The following KIAA1217 variants were observed in gnomAD, a reference collection of about 807,000 sequenced individuals.
KIAA1217 encodes KIAA1217.
KIAA1217 carries 88 observed loss-of-function variants against 163.9 expected under a neutral mutation model. The observed-to-expected ratio is 0.54, with a 90% CI of 0.45 to 0.64. The LOEUF (loss-of-function observed/expected upper bound fraction) is 0.64. KIAA1217 is among the 30% of genes least tolerant of loss of function. KIAA1217 has a pLI of 0.00. For synonymous variants in KIAA1217, 903 were observed against 923.1 expected, an observed-to-expected ratio of 0.98 and a Z score of 0.39; for missense variants, 2,372 against 2,475.0, an observed-to-expected ratio of 0.96 and a Z score of 0.88.
intron 2 of KIAA1217, among the ~76,000 whole-genome samples, chr10:24,141,609 C>T (rs555005941): frequency 3.9e-4 from 59 of 152,256 alleles, no homozygotes; most frequent in African/African-American, 1.4e-3. Flanking sequence ...TGCATCAGTC[C>T]TTGAGAACTG....
At position 23,962,257 on chromosome 10, in the gene KIAA1217, G is replaced by A. The variant is rs547635723; in HGVS notation, c.-320-44968G>A. 5.3e-5 allele frequency among the ~76,000 whole-genome samples: 8 copies of A among 152,264 alleles called. No individual in the cohort carries two copies. In the South Asian group the frequency reaches 8.3e-4, roughly 16 times the overall value. On this transcript the variant is annotated intron_variant, in intron 1 of 18. Transcript: ENST00000376462. ...GGCCCTTCTTACCTGTCTGACCAAC[G>A]ACATAACCTCACATAGCCTCAGTTT...
chr10:23,722,611 T>C (rs79584033), intron 1 of KIAA1217, among the ~76,000 whole-genome samples: 1,746 of 152,342 alleles, frequency 0.011, 26 homozygotes, highest in African/African-American at 0.036. Context: ...GTTTTTAAGA[T>C]GTGCCATCCT....
At chr10:24,039,221 C>G (rs1412735852) in intron 2 of KIAA1217, among the ~76,000 whole-genome samples, 1 of 152,080 alleles carries the variant, frequency 6.6e-6, no homozygotes, top group East Asian at 1.9e-4. Context: ...GCCCTAGCCA[C>G]ACTCCACTCC....
chr10:23,812,577 T>C (rs938330762), intron 1 of KIAA1217, among the ~76,000 whole-genome samples: 6 of 152,188 alleles, frequency 3.9e-5, no homozygotes, highest in African/African-American at 1.4e-4. Context: ...CACAATTCAG[T>C]AGTTTTTGGT....
intron 6 of KIAA1217, among the ~76,000 whole-genome samples, chr10:24,493,189 A>G (rs1054908282): frequency 2.0e-5 from 3 of 152,194 alleles, no homozygotes; most frequent in African/African-American, 7.2e-5. Context: ...TAAATTAGCC[A>G]GCATGTATTT....
At chr10:24,467,316 G>A (rs1468629681) in intron 5 of KIAA1217, among the ~76,000 whole-genome samples, 1 of 152,146 alleles carries the variant, frequency 6.6e-6, no homozygotes, top group Non-Finnish European at 1.5e-5. Flanking sequence ...ATTATGATGA[G>A]GCTCTTGAAG....
At chr10:23,769,286 G>A (rs1834691513) in intron 1 of KIAA1217, among the ~76,000 whole-genome samples, 1 of 152,188 alleles carries the variant, frequency 6.6e-6, no homozygotes, top group African/African-American at 2.4e-5. Context: ...AGATGAGCCA[G>A]TTTATCCATC....
intron 2 of KIAA1217, among the ~76,000 whole-genome samples, chr10:24,309,505 A>G (rs1316009529): frequency 6.6e-6 from 1 of 152,156 alleles, no homozygotes; most frequent in Admixed American, 6.5e-5. Context: ...TCTTTTACTC[A>G]GTGTTCCCCT....
intron 1 of KIAA1217, among the ~76,000 whole-genome samples, chr10:23,865,054 C>T (rs568168251): frequency 2.0e-5 from 3 of 152,284 alleles, no homozygotes; most frequent in African/African-American, 7.2e-5. Context: ...GGTGCTTGAA[C>T]AAATATCTGG....
At chr10:24,520,732 G>A (rs1432546105) in intron 11 of KIAA1217, among the ~76,000 whole-genome samples, 1 of 142,826 alleles carries the variant, frequency 7.0e-6, no homozygotes, top group Non-Finnish European at 1.5e-5. Flanking sequence ...TGTGGTACCA[G>A]CTACTTAGGA....
intron 3 of KIAA1217, among the ~76,000 whole-genome samples, chr10:24,426,978 A>G (rs931159893): frequency 6.6e-6 from 1 of 152,176 alleles, no homozygotes; most frequent in Non-Finnish European, 1.5e-5. Flanking sequence ...TGATTCTGAG[A>G]CGCAAAAGAT....
chr10:24,366,379 A>G (rs2050786582), intron 2 of KIAA1217, among the ~76,000 whole-genome samples: 1 of 152,184 alleles, frequency 6.6e-6, no homozygotes, highest in African/African-American at 2.4e-5. Context: ...CGGGAAGCAG[A>G]GGGTGCGGTG....
chr10:24,473,164 A>C lies in KIAA1217; in HGVS notation c.847-64A>C. ...TGCAGGGGAAGTCACACGGTTACAC[A>C]CTGAGACTTCTCTTGAAACACGAAT... On this transcript the variant is annotated intron_variant, in intron 5 of 20. Transcript: ENST00000376454. 4 of 1,165,416 alleles carry C rather than the reference A, an allele frequency of 3.4e-6. No homozygotes were observed. The South Asian group carries it at 6.1e-5, about 18-fold the overall frequency. 72.2% of individuals were successfully genotyped at this position (1,165,416 alleles called of 1,614,324 possible). A position where few individuals can be genotyped will look rare whatever the true frequency, so the allele number is the denominator to read the frequency against.
intron 1 of KIAA1217, among the ~76,000 whole-genome samples, chr10:23,770,840 G>A (rs1458621406): frequency 6.6e-6 from 1 of 152,164 alleles, no homozygotes; most frequent in Non-Finnish European, 1.5e-5. Context: ...TGAAATGGGG[G>A]AGTCTGATGA....
intron 1 of KIAA1217, among the ~76,000 whole-genome samples, chr10:23,707,898 G>A (rs1383855945): frequency 1.3e-5 from 2 of 152,110 alleles, no homozygotes; most frequent in Non-Finnish European, 2.9e-5. Context: ...AGAGAGAAAT[G>A]GAATTGAATG....
chr10:23,794,595 T>C (rs1239941683), intron 1 of KIAA1217, among the ~76,000 whole-genome samples: 2 of 152,244 alleles, frequency 1.3e-5, no homozygotes, highest in African/African-American at 2.4e-5. Context: ...ATTTCATAGA[T>C]AATTCAAGCC....
intron 17 of KIAA1217, among the ~76,000 whole-genome samples, chr10:24,540,832 G>A (rs926771730): frequency 2.0e-5 from 3 of 152,114 alleles, no homozygotes; most frequent in Admixed American, 1.3e-4. Context: ...GCAGTGGCAC[G>A]ATCTCAGCTC....
intron 2 of KIAA1217, among the ~76,000 whole-genome samples, chr10:24,087,809 A>C (rs1006435900): frequency 2.0e-5 from 3 of 152,206 alleles, no homozygotes; most frequent in African/African-American, 7.2e-5. Context: ...TTCCACACTT[A>C]TGCATTCTAA....
chr10:23,831,928 T>G (rs1838222266), intron 1 of KIAA1217, among the ~76,000 whole-genome samples: 1 of 152,154 alleles, frequency 6.6e-6, no homozygotes, highest in Non-Finnish European at 1.5e-5. Context: ...AGCAAAGTGT[T>G]TTTTCTACCC....
Sources: allele counts gnomAD v4.1 joint callset (sites outside exome capture counted in the v4.1 genomes callset), GRCh38; gene constraint gnomAD v4.1.1; transcripts MANE v1.5; gene names NCBI Gene and HGNC (gene_info 2026-07-23, HGNC 2026-07-21).